The following MYBPC1 variants were observed in gnomAD, a reference collection of about 807,000 sequenced individuals.
MYBPC1 encodes myosin-binding protein C, slow-type.
In MYBPC1, 52 loss-of-function variants were observed where a neutral mutation model predicts 147.1. That is an observed-to-expected ratio of 0.35 (90% CI 0.28 to 0.45). The LOEUF (loss-of-function observed/expected upper bound fraction) is 0.45. Ranked by LOEUF, MYBPC1 falls within the 20% of genes least tolerant of loss-of-function variation. The pLI is 1.00. For synonymous variants in MYBPC1, 477 were observed against 475.9 expected, an observed-to-expected ratio of 1.00 and a Z score of -0.03; for missense variants, 1,228 against 1,440.3, an observed-to-expected ratio of 0.85 and a Z score of 2.39.
At chr12:101,692,690 A>G in the MYBPC1 span, among the ~76,000 whole-genome samples, 10 of 152,216 alleles carry the variant, frequency 6.6e-5, no homozygotes, top group African/African-American at 2.4e-4. Context: ...GAAACATTGT[A>G]TATATCAATC....
chr12:101,658,644 A>G (rs1302652126), intron 18 of MYBPC1, among the ~76,000 whole-genome samples: 1 of 152,240 alleles, frequency 6.6e-6, no homozygotes, highest in African/African-American at 2.4e-5. Flanking sequence ...AAAAGAATTG[A>G]TACAAAGGAG....
intron 1 of MYBPC1, among the ~76,000 whole-genome samples, chr12:101,596,685 A>T (rs1877377295): frequency 6.6e-6 from 1 of 152,262 alleles, no homozygotes; most frequent in African/African-American, 2.4e-5. Context: ...TTTTCATTTG[A>T]CAACTCAGTC....
intron 29 of MYBPC1, among the ~76,000 whole-genome samples, chr12:101,682,079 C>T (rs1951039491): frequency 6.6e-6 from 1 of 152,092 alleles, no homozygotes; most frequent in East Asian, 1.9e-4. Context: ...ACATTTTTAG[C>T]TGCTTTATTG....
Position 101,670,123 on chromosome 12 carries a change from C to CCACACACACACA in MYBPC1, c.2525-177_2525-166dup, listed in dbSNP as rs58177042. Reference sequence around the variant, plus strand: ...CTGTTAAAACATCTCTGTGTGGAAACCACACACACACACACACACACACAC... The same window carrying CCACACACACACA: ...CTGTTAAAACATCTCTGTGTGGAAACCACACACACACACACACACACACACACACACACACAC... On this transcript the variant is annotated intron_variant, in intron 23 of 31. Coordinates refer to ENST00000361466, the MANE Select transcript of MYBPC1 (RefSeq NM_002465.4). 1.4e-3 allele frequency among the ~76,000 whole-genome samples: 208 copies of CCACACACACACA among 146,312 alleles called. 2 individuals carry two copies. The highest frequency in any genetic ancestry group is 3.0e-3 in the Admixed American group (44 of 14,652).
chr12:101,626,992 C>CAGCAAGGAGG, intron 4 of MYBPC1, 82 bp downstream of exon 4: 1 of 1,318,790 alleles, frequency 7.6e-7, no homozygotes, highest in Non-Finnish European at 1.1e-6. Context: ...CAGTGAGCCT[C>CAGCAAGGAGG]CTTGCTGAGT....
At chr12:101,693,081 G>C in the MYBPC1 span, among the ~76,000 whole-genome samples, 1 of 151,706 alleles carries the variant, frequency 6.6e-6, no homozygotes, top group Non-Finnish European at 1.5e-5. Context: ...CGAGTAGCTG[G>C]GACTACAGGT....
chr12:101,618,500 G>A (rs548316105), intron 3 of MYBPC1, among the ~76,000 whole-genome samples: 2 of 152,208 alleles, frequency 1.3e-5, no homozygotes, highest in Non-Finnish European at 2.9e-5. Flanking sequence ...AGGCCAATGG[G>A]CATACACCTC....
chr12:101,627,191 T>C (rs1452832562), intron 4 of MYBPC1, among the ~76,000 whole-genome samples: 1 of 152,190 alleles, frequency 6.6e-6, no homozygotes, highest in Non-Finnish European at 1.5e-5. Context: ...CATTTCTCAC[T>C]ATATATCCAC....
At chr12:101,598,860 G>A (rs924994414) in intron 1 of MYBPC1, among the ~76,000 whole-genome samples, 1 of 152,178 alleles carries the variant, frequency 6.6e-6, no homozygotes, top group African/African-American at 2.4e-5. Flanking sequence ...GAGACTACAG[G>A]TGTGAGCCAC....
chr12:101,693,866 A>C, the MYBPC1 span, among the ~76,000 whole-genome samples: 13 of 152,196 alleles, frequency 8.5e-5, no homozygotes, highest in Non-Finnish European at 1.5e-4. Flanking sequence ...GGCTCTGGCC[A>C]ATGGGATGAG....
intron 19 of MYBPC1, 166 bp downstream of exon 19, chr12:101,659,997 G>A (rs1327086842): frequency 5.5e-6 from 5 of 903,466 alleles, no homozygotes; most frequent in Non-Finnish European, 8.6e-6. Flanking sequence ...AAGAGCTAAG[G>A]TCAGCCATTT....
intron 28 of MYBPC1, among the ~76,000 whole-genome samples, chr12:101,678,690 C>G (rs144581349): frequency 6.6e-6 from 1 of 152,180 alleles, no homozygotes; most frequent in Non-Finnish European, 1.5e-5. Context: ...AGGGAGCTAT[C>G]ATATCCAGTT....
rs888082127 is a variant in MYBPC1, at chr12:101,683,449, T to G, written c.3492+787T>G. 2.6e-4 allele frequency among the ~76,000 whole-genome samples: 40 copies of G among 152,076 alleles called. 1 individual carries two copies. The highest frequency in any genetic ancestry group is 8.8e-5 in the Non-Finnish European group (6 of 68,004). ...AAAATAAAAAATAAAAAAAATAAAT[T>G]GGGAAACTTACATATTTAAAATATT... is the stretch of plus-strand genomic sequence containing the variant. On this transcript the variant is annotated intron_variant, in intron 30 of 31. Coordinates refer to ENST00000361466, the MANE Select transcript of MYBPC1 (RefSeq NM_002465.4).
At chr12:101,686,430 A>G (rs1275790264), downstream of MYBPC1, among the ~76,000 whole-genome samples, 2 of 152,234 alleles carry the variant, frequency 1.3e-5, no homozygotes, top group African/African-American at 4.8e-5. Flanking sequence ...GCTGTTACAG[A>G]CAACAGACCT....
chr12:101,690,426 A>C (rs1179081213), downstream of MYBPC1, among the ~76,000 whole-genome samples: 1 of 152,200 alleles, frequency 6.6e-6, no homozygotes. Flanking sequence ...CTAATGTCTA[A>C]ATATAACTTA....
At chr12:101,692,326 C>G in the MYBPC1 span, among the ~76,000 whole-genome samples, 1 of 152,088 alleles carries the variant, frequency 6.6e-6, no homozygotes, top group Non-Finnish European at 1.5e-5. Context: ...TGGCACAAAA[C>G]CAACATGATA....
At chr12:101,651,539 G>A (rs1010137972) in intron 16 of MYBPC1, 146 bp downstream of exon 16, 1 of 1,057,708 alleles carries the variant, frequency 9.5e-7, no homozygotes, top group African/African-American at 1.6e-5. Flanking sequence ...CTAGCAAGAA[G>A]GTGTGATTTC....
In MYBPC1 at chr12:101,676,650, C is replaced by G. The variant is rs183507967; in HGVS notation, c.2950-585C>G. Among the ~76,000 whole-genome samples, 35 of 152,040 alleles carry G rather than the reference C, an allele frequency of 2.3e-4. No individual in the cohort carries two copies. In the East Asian group the frequency reaches 5.2e-3, roughly 23 times the overall value. ...CCTGTAGTCCCAGTTACTCGGGAGG[C>G]TGAGGTGAAAGGGTCTATTGAGCCC... On this transcript the variant is annotated intron_variant, in intron 26 of 31. Transcript: ENST00000361466.
chr12:101,596,854 T>C (rs1877444548), intron 1 of MYBPC1, among the ~76,000 whole-genome samples: 1 of 152,246 alleles, frequency 6.6e-6, no homozygotes, highest in Non-Finnish European at 1.5e-5. Context: ...TAAAAGCATG[T>C]TGCTATTCTG....
Sources: allele counts gnomAD v4.1 joint callset (sites outside exome capture counted in the v4.1 genomes callset), GRCh38; gene constraint gnomAD v4.1.1; transcripts MANE v1.5; gene names NCBI Gene and HGNC (gene_info 2026-07-23, HGNC 2026-07-21).